Variants in SOD2 observed in about 807,000 individuals in gnomAD.
SOD2 encodes superoxide dismutase [Mn], mitochondrial.
SOD2 carries 11 observed loss-of-function variants against 27.0 expected under a neutral mutation model. The ratio of observed to expected loss-of-function variants is 0.41; its 90% CI spans 0.26 to 0.67. The LOEUF (loss-of-function observed/expected upper bound fraction) is 0.67, where lower values mean the gene tolerates loss of function less well. Ranked by LOEUF, SOD2 falls within the 30% of genes least tolerant of loss-of-function variation. SOD2 has a pLI of 0.34. For missense variants in SOD2, 250 were observed against 274.5 expected, an observed-to-expected ratio of 0.91 and a Z score of 0.63; for synonymous variants, 105 against 103.0, an observed-to-expected ratio of 1.02 and a Z score of -0.12.
At chr6:159,708,283 A>T (rs948204838) in intron 1 of SOD2, among the ~76,000 whole-genome samples, 2 of 152,228 alleles carry the variant, frequency 1.3e-5, no homozygotes, top group African/African-American at 4.8e-5. Flanking sequence ...ATCAGGCAGG[A>T]GAAAGAAATA....
intron 1 of SOD2, among the ~76,000 whole-genome samples, chr6:159,758,863 T>TA (rs765083347): frequency 5.9e-5 from 9 of 152,126 alleles, no homozygotes; most frequent in Non-Finnish European, 1.3e-4. Flanking sequence ...TTATGAAACT[T>TA]AACCAAGAAT....
chr6:159,758,978 A>AT (rs1332978106), intron 1 of SOD2, among the ~76,000 whole-genome samples: 1 of 151,848 alleles, frequency 6.6e-6, no homozygotes, highest in East Asian at 1.9e-4. Flanking sequence ...GCACTTGGAG[A>AT]TTTTTGTGGC....
rs535187571 is a variant in SOD2, at chr6:159,670,451, G to C, written c.*12042C>G. 1 of 152,322 alleles carries C rather than the reference G, an allele frequency of 6.6e-6. No individual in the cohort carries two copies. The highest frequency in any genetic ancestry group is 2.4e-5 in the African/African-American group (1 of 41,566). 9.4% of individuals were successfully genotyped at this position (152,322 alleles called of 1,614,324 possible). ...CAGTGAAGAATGGTGGCAGCTGTAA[G>C]CACTACCAGCAAGTATACCCTACTG... On this transcript the variant is annotated 3_prime_UTR_variant, in exon 5 of 5. Transcript: ENST00000538183.
upstream of SOD2, chr6:159,749,460 G>A (rs570996229): frequency 1.3e-5 from 13 of 979,224 alleles, no homozygotes; most frequent in South Asian, 1.4e-4. Context: ...AGAATATTAT[G>A]ATGATTTTGT....
At chr6:159,752,260 C>A (rs1779847504) in intron 1 of SOD2, among the ~76,000 whole-genome samples, 1 of 151,976 alleles carries the variant, frequency 6.6e-6, no homozygotes, top group Non-Finnish European at 1.5e-5. Context: ...CTGGACTTAC[C>A]CCAAGGACAA....
intron 2 of SOD2, chr6:159,691,413 G>C (rs1171104849): frequency 6.6e-6 from 1 of 152,066 alleles, no homozygotes; most frequent in Non-Finnish European, 1.5e-5. Context: ...CTGAAATACT[G>C]CATTTTTCCA....
upstream of SOD2, chr6:159,749,153 A>G (rs778036758): frequency 3.9e-5 from 38 of 985,892 alleles, no homozygotes; most frequent in Non-Finnish European, 4.6e-5. Context: ...GGACTGTACA[A>G]ACATGAAGGT....
intron 2 of SOD2, chr6:159,692,388 T>C: frequency 7.3e-7 from 1 of 1,362,438 alleles, no homozygotes; most frequent in Non-Finnish European, 9.5e-7. Context: ...GCAATATGTG[T>C]AACGGAATGT....
In SOD2 at chr6:159,676,958, T is replaced by C. The variant is rs937302589; in HGVS notation, c.*5535A>G. On this transcript the variant is annotated 3_prime_UTR_variant, in exon 5 of 5. Coordinates refer to ENST00000538183, the MANE Select transcript of SOD2 (RefSeq NM_000636.4). ...CAAGCAGCAGAAGGAGGAGCAAGCA[T>C]AAGGCCTTCCCAGTCACCACAGCCA... 4 of 152,182 alleles carry C rather than the reference T, an allele frequency of 2.6e-5. No homozygotes were observed. The highest frequency in any genetic ancestry group is 6.5e-5 in the Admixed American group (1 of 15,270). The allele number at this position is 152,182 out of a possible 1,614,324, so 9.4% of individuals were successfully genotyped here. A position where few individuals can be genotyped will look rare whatever the true frequency, so the allele number is the denominator to read the frequency against.
Position 159,692,878 on chromosome 6 carries a change from G to A in SOD2, c.24-15C>T, listed in dbSNP as rs753993122. The A allele has an allele frequency of 1.9e-6, 3 of 1,582,114 alleles. No homozygotes were observed. Among genetic ancestry groups the A allele is most frequent in the Non-Finnish European group, 2.6e-6 (3 of 1,165,686 alleles). ...GCCTGCTGGTGCTGAAGACGAGAAA[G>A]CACAGCCCGGTCAGTCAGCGCCGCG... On this transcript the variant is annotated splice_polypyrimidine_tract_variant and intron_variant, in intron 1 of 4. Coordinates refer to ENST00000538183, the MANE Select transcript of SOD2 (RefSeq NM_000636.4).
chr6:159,676,447 G>A lies in SOD2; in HGVS notation c.*6046C>T, dbSNP rs9355276. 0.22 allele frequency: 33,768 copies of A among 151,962 alleles called. 3,988 individuals are homozygous for A. The highest frequency in any genetic ancestry group is 0.4 in the East Asian group (2,055 of 5,132). The allele number at this position is 151,962 out of a possible 1,614,324, so 9.4% of individuals were successfully genotyped here. ...AAAGGAAGAGTTCATGTCCTTTATAGGGACATGGATGAAGCTGGAAACCAT... is the reference window on the plus strand; with the variant it reads ...AAAGGAAGAGTTCATGTCCTTTATAAGGACATGGATGAAGCTGGAAACCAT... On this transcript the variant is annotated 3_prime_UTR_variant, in exon 5 of 5. Coordinates refer to ENST00000538183, the MANE Select transcript of SOD2 (RefSeq NM_000636.4).
chr6:159,683,978 C>T (rs1284525597), intron 4 of SOD2, among the ~76,000 whole-genome samples: 1 of 152,180 alleles, frequency 6.6e-6, no homozygotes, highest in Non-Finnish European at 1.5e-5. Context: ...AACCCTCTGC[C>T]AGACAACTCA....
rs1274072342 is a variant in SOD2, at chr6:159,676,345, C to T, written c.*6148G>A. 1 of 152,170 alleles carries T rather than the reference C, an allele frequency of 6.6e-6. No homozygotes were observed. The highest frequency in any genetic ancestry group is 6.5e-5 in the Admixed American group (1 of 15,274). The allele number at this position is 152,170 out of a possible 1,614,324, so 9.4% of individuals were successfully genotyped here. A position where few individuals can be genotyped will look rare whatever the true frequency, so the allele number is the denominator to read the frequency against. ...CACAATAGCAAAGACTTGGAACCAA[C>T]CCAAATGTCCATCAATGATAGATTG... On this transcript the variant is annotated 3_prime_UTR_variant, in exon 5 of 5. Transcript: ENST00000538183.
chr6:159,686,136 C>T (rs1489628915), intron 3 of SOD2, among the ~76,000 whole-genome samples: 2 of 152,084 alleles, frequency 1.3e-5, no homozygotes, highest in Non-Finnish European at 2.9e-5. Flanking sequence ...CTAGATTAGT[C>T]ACATCAACTA....
At chr6:159,690,174 C>T (rs950703180) in intron 2 of SOD2, among the ~76,000 whole-genome samples, 6 of 150,820 alleles carry the variant, frequency 4.0e-5, no homozygotes, top group Admixed American at 1.3e-4. Context: ...GTAATCCCAG[C>T]TACTCAGGAG....
chr6:159,687,181 T>C (rs897788952), intron 3 of SOD2, among the ~76,000 whole-genome samples: 5 of 152,134 alleles, frequency 3.3e-5, no homozygotes, highest in African/African-American at 1.2e-4. Flanking sequence ...TAGAAACTAG[T>C]AGACAGAAAG....
intron 1 of SOD2, among the ~76,000 whole-genome samples, chr6:159,707,614 G>A (rs529839722): frequency 1.3e-5 from 2 of 152,252 alleles, no homozygotes; most frequent in South Asian, 4.2e-4. Context: ...CTGAAATTGA[G>A]GCAATAATTA....
intron 1 of SOD2, chr6:159,739,089 T>A (rs372140627): frequency 2.7e-6 from 4 of 1,472,834 alleles, no homozygotes; most frequent in Non-Finnish European, 3.8e-6. Context: ...CTATAGAACA[T>A]TATATTGTGA....
chr6:159,702,086 A>G (rs1376693559), intron 1 of SOD2, among the ~76,000 whole-genome samples: 1 of 152,216 alleles, frequency 6.6e-6, no homozygotes, highest in Non-Finnish European at 1.5e-5. Flanking sequence ...GCCCCAAATA[A>G]GGGACCTTAC....
Sources: allele counts gnomAD v4.1 joint callset (sites outside exome capture counted in the v4.1 genomes callset), GRCh38; gene constraint gnomAD v4.1.1; transcripts MANE v1.5; gene names NCBI Gene and HGNC (gene_info 2026-07-23, HGNC 2026-07-21).